The following CD109 variants were observed in gnomAD, a reference collection of about 807,000 sequenced individuals.
CD109 encodes CD109 molecule.
In CD109, 149 loss-of-function variants were observed where a neutral mutation model predicts 165.8. The observed-to-expected ratio is 0.90, with a 90% confidence interval of 0.79 to 1.03. The LOEUF is 1.03. Ranked by LOEUF, CD109 falls within the 50% of genes least tolerant of loss-of-function variation. The probability of loss-of-function intolerance (pLI) is 0.00; values close to 1 mark genes in which losing one functional copy is unlikely to be tolerated. For synonymous variants in CD109, 585 were observed against 592.1 expected (o/e 0.99, Z 0.18); for missense variants, 1,712 against 1,677.8 (o/e 1.02, Z -0.36).
intron 7 of CD109, among the ~76,000 whole-genome samples, chr6:73,759,929 T>C (rs1562050755): frequency 6.6e-6 from 1 of 152,072 alleles, no homozygotes; most frequent in African/African-American, 2.4e-5. Flanking sequence ...TGGAATATGC[T>C]ATATTTTAAG....
intron 2 of CD109, among the ~76,000 whole-genome samples, chr6:73,716,173 C>T (rs1191165141): frequency 6.6e-6 from 1 of 152,174 alleles, no homozygotes; most frequent in Non-Finnish European, 1.5e-5. Context: ...TTTATCCATT[C>T]ATTTGTTGAT....
At chr6:73,806,253 A>G (rs1483548205) in intron 24 of CD109, among the ~76,000 whole-genome samples, 1 of 152,082 alleles carries the variant, frequency 6.6e-6, no homozygotes, top group Non-Finnish European at 1.5e-5. Context: ...TCAGCAAACT[A>G]TCGCAAGGAC....
chr6:73,722,418 C>A (rs1167782026), intron 2 of CD109, among the ~76,000 whole-genome samples: 2 of 152,092 alleles, frequency 1.3e-5, no homozygotes, highest in African/African-American at 4.8e-5. Flanking sequence ...CAGTACATAT[C>A]AAATTCTTGA....
chr6:73,726,247 T>C (rs1435958870), intron 3 of CD109, among the ~76,000 whole-genome samples: 1 of 152,256 alleles, frequency 6.6e-6, no homozygotes, highest in African/African-American at 2.4e-5. Context: ...ATGTGTTTTT[T>C]ATTTCTGATT....
At chr6:73,810,687 A>G (rs9447033) in intron 27 of CD109, among the ~76,000 whole-genome samples, 42,681 of 151,886 alleles carry the variant, frequency 0.28, 6,170 homozygotes, top group Admixed American at 0.35. Context: ...ATCATTGTAC[A>G]GAAATCCATT....
chr6:73,696,270 G>A lies in CD109; in HGVS notation c.55G>A (p.Ala19Thr), dbSNP rs545840915. The A allele has an allele frequency of 4.6e-6, 7 of 1,530,208 alleles. No individual in the cohort carries two copies. In the Admixed American group the frequency reaches 7.9e-5, roughly 17 times the overall value. The allele number at this position is 1,530,208 out of a possible 1,614,324, so 94.8% of individuals were successfully genotyped here. A position where few individuals can be genotyped will look rare whatever the true frequency, so the allele number is the denominator to read the frequency against. The change falls in exon 1 of 33, where the codon GCG becomes ACG. Residue 19 changes from alanine to threonine, a missense_variant. By Grantham distance (58) the Ala-to-Thr change is moderately conservative (BLOSUM62 0). Transcript: ENST00000287097. The stretch of plus-strand genomic sequence containing the variant: ...CCACCTCCTCTGCGTGTGCACCGCC[G>A]CGCTGGCCGTGGCTCCCGGGTAGGA... ...AAHLLCVCTA[A>T]LAVAPGPRFL...
chr6:73,700,551 A>G (rs573331313), intron 2 of CD109, among the ~76,000 whole-genome samples: 2 of 152,248 alleles, frequency 1.3e-5, no homozygotes, highest in South Asian at 4.1e-4. Context: ...CCCAAACCAC[A>G]ATAGATTTCT....
At chr6:73,698,745 T>C (rs531097360) in intron 2 of CD109, among the ~76,000 whole-genome samples, 1 of 152,292 alleles carries the variant, frequency 6.6e-6, no homozygotes, top group Non-Finnish European at 1.5e-5. Flanking sequence ...TTGTCCCTCA[T>C]AGAAGCAATG....
At chr6:73,783,117 T>C (rs1166218582) in intron 18 of CD109, among the ~76,000 whole-genome samples, 1 of 152,156 alleles carries the variant, frequency 6.6e-6, no homozygotes, top group African/African-American at 2.4e-5. Flanking sequence ...CCCCTGGCAG[T>C]GCTGCTAACT....
intron 7 of CD109, among the ~76,000 whole-genome samples, chr6:73,760,704 G>A (rs1373014332): frequency 6.6e-6 from 1 of 151,822 alleles, no homozygotes; most frequent in East Asian, 1.9e-4. Context: ...AAATTAGCTG[G>A]GTGTAGTGGC....
At chr6:73,709,310 T>C (rs1771432257) in intron 2 of CD109, among the ~76,000 whole-genome samples, 2 of 152,236 alleles carry the variant, frequency 1.3e-5, no homozygotes, top group Admixed American at 1.3e-4. Context: ...CAGATAGTTG[T>C]AGATGTGTGG....
upstream of CD109, among the ~76,000 whole-genome samples, chr6:73,693,517 C>T (rs1770723669): frequency 6.6e-6 from 1 of 152,190 alleles, no homozygotes; most frequent in Non-Finnish European, 1.5e-5. Flanking sequence ...CAAATGACAG[C>T]AAACCCAATA....
In CD109 at chr6:73,736,468, A is replaced by T. The variant is rs1487536227; in HGVS notation, c.593A>T (p.His198Leu). 12 of 1,613,676 alleles carry T rather than the reference A, an allele frequency of 7.4e-6. No individual in the cohort carries two copies. In the East Asian group the frequency reaches 2.5e-4, roughly 33 times the overall value. Residue 198 changes from histidine to leucine, a missense_variant, in exon 5 of 33, where the codon CAT becomes CTT. Transcript: ENST00000287097. Reference sequence around the variant, plus strand: ...TCCAAAACTTTTCAGCTATCTTCCCATCCAATACTTGGTGACTGGTCTATT... The same window carrying T: ...TCCAAAACTTTTCAGCTATCTTCCCTTCCAATACTTGGTGACTGGTCTATT... ...VISKTFQLSS[H>L]PILGDWSIQV...
At chr6:73,721,538 G>A (rs1457689405) in intron 2 of CD109, among the ~76,000 whole-genome samples, 2 of 151,312 alleles carry the variant, frequency 1.3e-5, no homozygotes, top group African/African-American at 2.4e-5. Context: ...CTAATTTTTG[G>A]TATTTTTAGT....
chr6:73,733,096 A>G (rs1772424721), intron 4 of CD109, among the ~76,000 whole-genome samples: 1 of 151,798 alleles, frequency 6.6e-6, no homozygotes, highest in Admixed American at 6.6e-5. Flanking sequence ...AGTAATGTGA[A>G]CTCTTTCAGC....
chr6:73,681,746 G>T, the CD109 span, among the ~76,000 whole-genome samples: 2 of 151,912 alleles, frequency 1.3e-5, no homozygotes, highest in Admixed American at 6.6e-5. Flanking sequence ...GGGATTACAG[G>T]TGCACACCAC....
At chr6:73,780,525 G>T in intron 16 of CD109, 27 bp downstream of exon 16, 1 of 1,445,680 alleles carries the variant, frequency 6.9e-7, no homozygotes, top group Non-Finnish European at 9.7e-7. Flanking sequence ...ATATTGAAAA[G>T]ATATTAATAT....
chr6:73,747,244 C>A (rs551676506), intron 5 of CD109, among the ~76,000 whole-genome samples: 60 of 152,188 alleles, frequency 3.9e-4, no homozygotes, highest in African/African-American at 1.3e-3. Flanking sequence ...ATGTTTAATT[C>A]TTTCTCATTG....
intron 4 of CD109, 80 bp from the exon 5 acceptor site, chr6:73,736,303 A>T (rs778593171): frequency 6.3e-5 from 92 of 1,448,856 alleles, no homozygotes; most frequent in Non-Finnish European, 8.4e-5. Context: ...GGAATGCTGC[A>T]AGGCATTATT....
Sources: gnomAD v4.1 joint callset for allele counts (sites outside exome capture counted in the v4.1 genomes callset) on GRCh38, gnomAD v4.1.1 for gene constraint, MANE v1.5 for transcripts, NCBI Gene and HGNC (gene_info 2026-07-23, HGNC 2026-07-21) for gene names.